ADAMTSL1: variants seen among roughly 807,000 people sequenced by gnomAD.
ADAMTSL1 encodes ADAMTS-like protein 1.
ADAMTSL1 carries 126 observed loss-of-function variants against 201.8 expected under a neutral mutation model. The ratio of observed to expected loss-of-function variants is 0.62; its 90% CI spans 0.54 to 0.72. The LOEUF (loss-of-function observed/expected upper bound fraction) is 0.72, where lower values mean the gene tolerates loss of function less well. Among genes scored for constraint, ADAMTSL1 ranks in the 30% least tolerant of loss-of-function variants. The pLI, the probability that ADAMTSL1 is intolerant of heterozygous loss-of-function variation, is 0.00. For missense variants in ADAMTSL1, 2,679 were observed against 2,277.8 expected (o/e 1.18, Z -3.59); for synonymous variants, 1,121 against 903.4 (o/e 1.24, Z -4.32).
chr9:18,386,037 T>C (rs369656843), intron 2 of ADAMTSL1, among the ~76,000 whole-genome samples: 1 of 152,158 alleles, frequency 6.6e-6, no homozygotes, highest in South Asian at 2.1e-4. Flanking sequence ...AAAACAAGCA[T>C]CCGAAAACCA....
chr9:18,518,001 C>G (rs1034579129), intron 2 of ADAMTSL1, among the ~76,000 whole-genome samples: 3 of 152,106 alleles, frequency 2.0e-5, no homozygotes. Context: ...TTCCCTCCTT[C>G]TATCCCTTGC....
intron 9 of ADAMTSL1, among the ~76,000 whole-genome samples, chr9:18,666,131 C>T (rs977030348): frequency 6.6e-4 from 100 of 152,282 alleles, no homozygotes; most frequent in African/African-American, 2.3e-3. Context: ...TTTAAGTTCA[C>T]TGGACTATAA....
At chr9:18,823,664 A>G (rs867509858) in intron 21 of ADAMTSL1, among the ~76,000 whole-genome samples, 18 of 152,170 alleles carry the variant, frequency 1.2e-4, no homozygotes, top group African/African-American at 4.1e-4. Context: ...CATGTGAGCA[A>G]TGTGAGGGAA....
intron 1 of ADAMTSL1, among the ~76,000 whole-genome samples, chr9:18,103,823 G>A (rs745784549): frequency 1.1e-4 from 16 of 152,108 alleles, no homozygotes; most frequent in Non-Finnish European, 1.8e-4. Context: ...GTTTCTGGAC[G>A]TGTGCTCTGT....
At chr9:18,256,783 G>A (rs572666331) in intron 2 of ADAMTSL1, among the ~76,000 whole-genome samples, 11 of 152,314 alleles carry the variant, frequency 7.2e-5, no homozygotes, top group Non-Finnish European at 1.5e-4. Context: ...CAGCCCGGGT[G>A]CTCTGATAGT....
chr9:18,220,876 G>T (rs1830232593), intron 2 of ADAMTSL1, among the ~76,000 whole-genome samples: 1 of 151,730 alleles, frequency 6.6e-6, no homozygotes, highest in Non-Finnish European at 1.5e-5. Context: ...CCAGGCTCAA[G>T]TTATCCTCCT....
rs35217994 is a variant in ADAMTSL1, at chr9:18,411,162, C to CTTTATTTATTTA, written c.208-93643_208-93632dup. On this transcript the variant is annotated intron_variant, in intron 2 of 29. Transcript: ENST00000680146. ...CAGGCGTGAGCCACTGCACCCAGCC[C>CTTTATTTATTTA]TTTATTTATTTATTTATTTATTTAT... Among the ~76,000 whole-genome samples the CTTTATTTATTTA allele has an allele frequency of 9.7e-3, 1,378 of 142,328 alleles. 16 individuals carry two copies. Among genetic ancestry groups the CTTTATTTATTTA allele is most frequent in the African/African-American group, 0.028 (1,052 of 37,830 alleles). The allele number at this position is 142,328 out of a possible 152,430, so 93.4% of individuals were successfully genotyped here.
intron 1 of ADAMTSL1, among the ~76,000 whole-genome samples, chr9:18,130,929 G>T (rs959760526): frequency 6.6e-6 from 1 of 152,070 alleles, no homozygotes; most frequent in Admixed American, 6.6e-5. Context: ...TGCCATTCCT[G>T]ACTAGTGGTT....
intron 1 of ADAMTSL1, among the ~76,000 whole-genome samples, chr9:17,927,015 T>A (rs1158865606): frequency 7.2e-5 from 11 of 152,220 alleles, no homozygotes; most frequent in Non-Finnish European, 1.6e-4. Flanking sequence ...AGAGCTCTTT[T>A]CAACTTGCAA....
intron 3 of ADAMTSL1, among the ~76,000 whole-genome samples, chr9:18,552,417 A>G (rs1820843769): frequency 6.6e-6 from 1 of 151,964 alleles, no homozygotes. Context: ...TAACAATTGC[A>G]TTATGATTTT....
chr9:18,646,760 AC>A (rs1827839552), intron 7 of ADAMTSL1, among the ~76,000 whole-genome samples: 1 of 152,002 alleles, frequency 6.6e-6, no homozygotes, highest in African/African-American at 2.4e-5. Context: ...ATGGTGGATA[AC>A]TTTTTGATGT....
intron 1 of ADAMTSL1, among the ~76,000 whole-genome samples, chr9:18,146,462 G>C (rs1055744897): frequency 3.9e-5 from 6 of 152,126 alleles, no homozygotes; most frequent in Non-Finnish European, 7.4e-5. Context: ...AAAGAAGCTA[G>C]CCTGAAAAAG....
At chr9:18,616,248 C>G (rs979113871) in intron 4 of ADAMTSL1, among the ~76,000 whole-genome samples, 2 of 152,200 alleles carry the variant, frequency 1.3e-5, no homozygotes, top group East Asian at 1.9e-4. Context: ...TGGTCTCAAA[C>G]TCGTGGCCTC....
chr9:18,749,642 C>A (rs968842564), intron 15 of ADAMTSL1, among the ~76,000 whole-genome samples: 1 of 152,220 alleles, frequency 6.6e-6, no homozygotes, highest in Admixed American at 6.5e-5. Flanking sequence ...AGGCACAGAA[C>A]GCACGGAATA....
chr9:17,994,090 TTGTG>T (rs367861504), intron 1 of ADAMTSL1, among the ~76,000 whole-genome samples: 188 of 142,128 alleles, frequency 1.3e-3, no homozygotes, highest in Non-Finnish European at 1.8e-3. Flanking sequence ...CAGAATCTCA[TTGTG>T]TGTGTGTGTG....
intron 1 of ADAMTSL1, among the ~76,000 whole-genome samples, chr9:18,007,428 TAGCC>T (rs1486121880): frequency 6.6e-6 from 1 of 152,042 alleles, no homozygotes; most frequent in African/African-American, 2.4e-5. Context: ...ACCATATCAT[TAGCC>T]AGCTACATAG....
At chr9:18,476,319 C>T (rs1292399992) in intron 1 of ADAMTSL1, among the ~76,000 whole-genome samples, 1 of 152,076 alleles carries the variant, frequency 6.6e-6, no homozygotes, top group South Asian at 2.1e-4. Flanking sequence ...AATAAGCTTG[C>T]ATTTGAACCC....
At chr9:18,724,207 GATAA>G (rs1374953526) in intron 15 of ADAMTSL1, among the ~76,000 whole-genome samples, 1 of 152,202 alleles carries the variant, frequency 6.6e-6, no homozygotes, top group Non-Finnish European at 1.5e-5. Flanking sequence ...CCCTGGTTAA[GATAA>G]ATAGCTTTCC....
chr9:18,109,916 T>C (rs946719576), intron 1 of ADAMTSL1, among the ~76,000 whole-genome samples: 15 of 152,184 alleles, frequency 9.9e-5, no homozygotes, highest in Non-Finnish European at 2.1e-4. Flanking sequence ...TGTTCTTTCA[T>C]AAGCAGTATC....
Sources: gnomAD v4.1 joint callset for allele counts (sites outside exome capture counted in the v4.1 genomes callset) on GRCh38, gnomAD v4.1.1 for gene constraint, MANE v1.5 for transcripts, NCBI Gene and HGNC (gene_info 2026-07-23, HGNC 2026-07-21) for gene names.